Variants in WWOX observed in about 807,000 individuals in gnomAD.
WWOX encodes the protein WW domain-containing oxidoreductase.
In WWOX, 69 loss-of-function variants were observed where a neutral mutation model predicts 46.2. The observed-to-expected ratio is 1.49, with a 90% CI of 1.23 to 1.82. The LOEUF is 1.82. WWOX is among the 40% of genes most tolerant of loss of function. The pLI, the probability that WWOX is intolerant of heterozygous loss-of-function variation, is 0.00. For missense variants in WWOX, 919 were observed against 542.6 expected, an observed-to-expected ratio of 1.69 and a Z score of -6.89; for synonymous variants, 359 against 202.6, an observed-to-expected ratio of 1.77 and a Z score of -6.56.
At chr16:79,013,483 C>T (rs974687908) in intron 8 of WWOX, among the ~76,000 whole-genome samples, 5 of 152,102 alleles carry the variant, frequency 3.3e-5, no homozygotes, top group South Asian at 2.1e-4. Context: ...AAGAGTAAAA[C>T]GCATGTCCCC....
intron 8 of WWOX, among the ~76,000 whole-genome samples, chr16:79,107,637 C>T (rs1446111443): frequency 6.6e-6 from 1 of 152,134 alleles, no homozygotes; most frequent in Non-Finnish European, 1.5e-5. Flanking sequence ...GAAACCCCAC[C>T]CTCACCCTTC....
At chr16:79,115,671 G>T (rs1597388774) in intron 8 of WWOX, among the ~76,000 whole-genome samples, 1 of 152,302 alleles carries the variant, frequency 6.6e-6, no homozygotes, top group East Asian at 1.9e-4. Flanking sequence ...ATGAGCTGCA[G>T]GGGGCCTCTC....
At chr16:78,411,466 G>C (rs1001962200) in intron 6 of WWOX, among the ~76,000 whole-genome samples, 3 of 152,120 alleles carry the variant, frequency 2.0e-5, no homozygotes, top group East Asian at 1.9e-4. Context: ...TAAAGACCCA[G>C]ACTTAATCAA....
intron 8 of WWOX, among the ~76,000 whole-genome samples, chr16:79,082,572 T>C (rs1335778885): frequency 6.6e-6 from 1 of 152,192 alleles, no homozygotes; most frequent in African/African-American, 2.4e-5. Context: ...GTGGTTCATA[T>C]CACTGTTTCA....
chr16:79,021,856 G>C (rs2047540392), intron 8 of WWOX, among the ~76,000 whole-genome samples: 1 of 152,202 alleles, frequency 6.6e-6, no homozygotes, highest in Non-Finnish European at 1.5e-5. Flanking sequence ...CACACAAAAA[G>C]TGCCAGTTAT....
rs192965887 is a variant in WWOX at position 78,743,535 on chromosome 16, C to A, written c.1056+310783C>A. ...GGAATCTAAGGCTGATTCACGTTGA[C>A]TTTGTATAATTAAATCAAAAGGAAA... On this transcript the variant is annotated intron_variant, in intron 8 of 8. Transcript: ENST00000566780. Among the ~76,000 whole-genome samples, 5 of 152,230 alleles carry A rather than the reference C, an allele frequency of 3.3e-5. No individual in the cohort carries two copies. In the East Asian group the frequency reaches 7.8e-4, roughly 24 times the overall value.
chr16:78,443,348 G>C (rs1215027057), intron 8 of WWOX, among the ~76,000 whole-genome samples: 10 of 152,044 alleles, frequency 6.6e-5, no homozygotes, highest in Non-Finnish European at 2.9e-5. Flanking sequence ...CAAGCCTCAG[G>C]AACCACTAAG....
intron 8 of WWOX, among the ~76,000 whole-genome samples, chr16:78,591,519 A>G (rs1023094284): frequency 1.3e-5 from 2 of 152,146 alleles, no homozygotes; most frequent in African/African-American, 4.8e-5. Flanking sequence ...CCTCATTAAG[A>G]GACTGTGGGG....
intron 8 of WWOX, among the ~76,000 whole-genome samples, chr16:78,439,326 C>G (rs2083397858): frequency 6.6e-6 from 1 of 152,202 alleles, no homozygotes; most frequent in Non-Finnish European, 1.5e-5. Flanking sequence ...CAGGACCCCT[C>G]TGTGGTTGGA....
At chr16:78,495,972 A>G (rs1319274994) in intron 8 of WWOX, 1 of 152,198 alleles carries the variant, frequency 6.6e-6, no homozygotes, top group East Asian at 1.9e-4. Flanking sequence ...ACATCTTTAA[A>G]CGGATAACCA....
intron 5 of WWOX, among the ~76,000 whole-genome samples, chr16:78,273,023 T>A (rs1007091562): frequency 2.6e-5 from 4 of 152,210 alleles, no homozygotes; most frequent in Non-Finnish European, 5.9e-5. Flanking sequence ...TTTGTTTGTT[T>A]GTTTCTTCTT....
chr16:78,100,054 C>T (rs187451868), intron 1 of WWOX, 169 bp downstream of exon 1: 5 of 1,410,600 alleles, frequency 3.5e-6, no homozygotes, highest in East Asian at 6.0e-5. Flanking sequence ...TAGGGGCCGG[C>T]CCCCTTGGTG....
chr16:78,717,852 C>T (rs957572299), intron 8 of WWOX, among the ~76,000 whole-genome samples: 3 of 152,086 alleles, frequency 2.0e-5, no homozygotes, highest in Non-Finnish European at 4.4e-5. Context: ...CTGTCTTTCC[C>T]ACCTGTTTGG....
At chr16:79,120,425 G>A (rs568008748) in intron 8 of WWOX, among the ~76,000 whole-genome samples, 1 of 152,162 alleles carries the variant, frequency 6.6e-6, no homozygotes, top group Non-Finnish European at 1.5e-5. Context: ...CACAGTACCC[G>A]AAGTTTAGGC....
chr16:78,365,286 C>T (rs4888788), intron 5 of WWOX, among the ~76,000 whole-genome samples: 140,272 of 152,234 alleles, frequency 0.92, 64,970 homozygotes, highest in African/African-American at 0.98. Context: ...AGTGAAACCG[C>T]TGGAGGAAGC....
intron 4 of WWOX, among the ~76,000 whole-genome samples, chr16:78,126,651 A>C (rs1483042063): frequency 2.0e-5 from 3 of 152,220 alleles, no homozygotes; most frequent in Non-Finnish European, 4.4e-5. Context: ...ATCAAGAGGA[A>C]ATTCACAGAG....
chr16:79,084,850 C>G (rs1270006654), intron 8 of WWOX, among the ~76,000 whole-genome samples: 1 of 152,182 alleles, frequency 6.6e-6, no homozygotes, highest in Non-Finnish European at 1.5e-5. Flanking sequence ...CTGATTCAAC[C>G]TTTCATTTGT....
chr16:78,752,121 TC>T (rs2049497604), intron 8 of WWOX, among the ~76,000 whole-genome samples: 1 of 152,228 alleles, frequency 6.6e-6, no homozygotes, highest in East Asian at 1.9e-4. Flanking sequence ...GTTGTCTCAA[TC>T]CATAAAAGAG....
intron 8 of WWOX, among the ~76,000 whole-genome samples, chr16:78,815,513 T>C (rs2051306110): frequency 6.6e-6 from 1 of 152,138 alleles, no homozygotes; most frequent in South Asian, 2.1e-4. Context: ...CATCTGCCTC[T>C]TGCCAGGACC....
Sources: allele counts gnomAD v4.1 joint callset (sites outside exome capture counted in the v4.1 genomes callset), GRCh38; gene constraint gnomAD v4.1.1; transcripts MANE v1.5; gene names NCBI Gene and HGNC (gene_info 2026-07-23, HGNC 2026-07-21).